Variants in SLC9B1 observed in about 807,000 individuals in gnomAD.
SLC9B1 encodes sodium/hydrogen exchanger 9B1.
In SLC9B1, 32 loss-of-function variants were observed where a neutral mutation model predicts 51.7. The observed-to-expected ratio is 0.62, with a 90% confidence interval of 0.47 to 0.83. The LOEUF (loss-of-function observed/expected upper bound fraction) is 0.83, where lower values mean the gene tolerates loss of function less well. SLC9B1 is among the 40% of genes least tolerant of loss of function. SLC9B1 has a pLI of 0.00. For synonymous variants in SLC9B1, 145 were observed against 212.7 expected (o/e 0.68, Z 2.77); for missense variants, 406 against 613.2 (o/e 0.66, Z 3.57).
intron 1 of SLC9B1, among the ~76,000 whole-genome samples, chr4:103,007,826 A>C (rs958825701): frequency 6.6e-6 from 1 of 152,020 alleles, no homozygotes; most frequent in African/African-American, 2.4e-5. Flanking sequence ...TCCTGGGCTC[A>C]AGTGATCCTC....
intron 3 of SLC9B1, among the ~76,000 whole-genome samples, chr4:102,984,369 G>A (rs1034836753): frequency 6.6e-6 from 1 of 152,122 alleles, no homozygotes; most frequent in African/African-American, 2.4e-5. Context: ...GCCTGCCTCG[G>A]CCTAGCAGAG....
chr4:103,013,353 C>T (rs552303694), intron 1 of SLC9B1, among the ~76,000 whole-genome samples: 2 of 152,284 alleles, frequency 1.3e-5, no homozygotes, highest in East Asian at 1.9e-4. Flanking sequence ...TTTGAATTCT[C>T]ACATCATTTT....
intron 3 of SLC9B1, among the ~76,000 whole-genome samples, chr4:102,971,675 C>A (rs980651175): frequency 6.6e-6 from 1 of 152,044 alleles, no homozygotes; most frequent in Non-Finnish European, 1.5e-5. Flanking sequence ...ATAAAAAACC[C>A]TTCAAAAAAT....
intron 7 of SLC9B1, among the ~76,000 whole-genome samples, chr4:102,930,720 T>TA (rs1005407455): frequency 6.6e-6 from 1 of 151,982 alleles, no homozygotes; most frequent in African/African-American, 2.4e-5. Flanking sequence ...ATTTTTTAAT[T>TA]AAAAAAAATT....
intron 3 of SLC9B1, chr4:102,962,886 T>C (rs551482295): frequency 2.1e-6 from 1 of 470,236 alleles, no homozygotes; most frequent in African/African-American, 2.0e-5. Context: ...AAGTTCATAA[T>C]AGATGTTGGT....
intron 3 of SLC9B1, among the ~76,000 whole-genome samples, chr4:102,973,132 T>A (rs997676428): frequency 3.3e-5 from 5 of 152,042 alleles, no homozygotes; most frequent in Non-Finnish European, 5.9e-5. Flanking sequence ...ACAATAAACT[T>A]AAATGGTCTA....
Position 102,946,764 on chromosome 4 carries a change from A to G in SLC9B1, c.408T>C (p.Ile136=), listed in dbSNP as rs1213201034. ...GTTCATTGATGAATGGAACATTCCT[A>G]ATCGTAAAACCAGCCAGTAACATCC... ...LLGMLLAGFT[I]RNVPFINEHV... The change falls in exon 5 of 12, where the codon ATT becomes ATC. Residue 136 remains isoleucine, a synonymous_variant. Coordinates refer to ENST00000296422, the MANE Select transcript of SLC9B1 (RefSeq NM_139173.4). The G allele has an allele frequency of 1.2e-6, 2 of 1,601,252 alleles. No homozygotes were observed. Among genetic ancestry groups the G allele is most frequent in the Non-Finnish European group, 1.7e-6 (2 of 1,176,624 alleles).
intron 1 of SLC9B1, among the ~76,000 whole-genome samples, chr4:103,007,095 A>G (rs1395261290): frequency 6.6e-6 from 1 of 152,184 alleles, no homozygotes; most frequent in Non-Finnish European, 1.5e-5. Context: ...CAACACTCCT[A>G]TTCAACATAA....
intron 3 of SLC9B1, among the ~76,000 whole-genome samples, chr4:102,961,111 T>A (rs933473995): frequency 6.6e-6 from 1 of 152,214 alleles, no homozygotes; most frequent in African/African-American, 2.4e-5. Flanking sequence ...ATATGCTGTT[T>A]TGAATTTTAT....
intron 7 of SLC9B1, among the ~76,000 whole-genome samples, chr4:102,928,616 T>C (rs746963677): frequency 6.6e-6 from 1 of 152,212 alleles, no homozygotes; most frequent in Non-Finnish European, 1.5e-5. Flanking sequence ...TCAAAATCTG[T>C]ATTAGTCATG....
At chr4:103,006,370 A>G (rs185628366) in intron 1 of SLC9B1, among the ~76,000 whole-genome samples, 12 of 152,256 alleles carry the variant, frequency 7.9e-5, no homozygotes, top group Admixed American at 6.5e-4. Context: ...GAACACCTCT[A>G]TGCAAACAAA....
chr4:102,962,156 A>C (rs1738170621), intron 3 of SLC9B1: 2 of 474,390 alleles, frequency 4.2e-6, no homozygotes, highest in African/African-American at 4.0e-5. Flanking sequence ...TGCAGGCAAC[A>C]CTGAGCCATA....
chr4:102,976,141 G>A (rs1384287311), intron 3 of SLC9B1, among the ~76,000 whole-genome samples: 2 of 152,128 alleles, frequency 1.3e-5, no homozygotes. Flanking sequence ...GTCAAAAGCT[G>A]GAAAGATCTT....
At chr4:102,885,850 A>T (rs144048650) in intron 11 of SLC9B1, among the ~76,000 whole-genome samples, 16 of 152,342 alleles carry the variant, frequency 1.1e-4, no homozygotes, top group African/African-American at 3.8e-4. Context: ...ATACATCCAC[A>T]TTACATATCT....
intron 11 of SLC9B1, chr4:102,890,732 C>T (rs1257633173): frequency 1.3e-5 from 2 of 149,644 alleles, no homozygotes; most frequent in Non-Finnish European, 3.0e-5. Context: ...CCCAGTTACT[C>T]GGGAGGCTGA....
intron 7 of SLC9B1, among the ~76,000 whole-genome samples, chr4:102,916,454 A>T (rs888310604): frequency 1.3e-5 from 2 of 152,220 alleles, no homozygotes; most frequent in African/African-American, 4.8e-5. Context: ...GACAGAATTG[A>T]GGGGTAACAT....
intron 2 of SLC9B1, among the ~76,000 whole-genome samples, chr4:102,990,839 G>C (rs1287915348): frequency 6.6e-6 from 1 of 152,082 alleles, no homozygotes; most frequent in Non-Finnish European, 1.5e-5. Flanking sequence ...CAAGGCAGCT[G>C]ATGGTTAAAA....
At chr4:102,893,281 C>CAAAAAAAAAAAAAAAAAAAAAAAAAA (rs58316456) in intron 11 of SLC9B1, among the ~76,000 whole-genome samples, 1 of 35,166 alleles carries the variant, frequency 2.8e-5, no homozygotes, top group African/African-American at 1.2e-4. Flanking sequence ...GACTCCATCT[C>CAAAAAAAAAAAAAAAAAAAAAAAAAA]AAAAAAAAAA....
intron 1 of SLC9B1, among the ~76,000 whole-genome samples, chr4:103,005,832 G>GT (rs2110534981): frequency 6.6e-6 from 1 of 152,186 alleles, no homozygotes; most frequent in South Asian, 2.1e-4. Flanking sequence ...TAAGCAACCT[G>GT]TTTCCTGAAT....
Sources: gnomAD v4.1 joint callset for allele counts (sites outside exome capture counted in the v4.1 genomes callset) on GRCh38, gnomAD v4.1.1 for gene constraint, MANE v1.5 for transcripts, NCBI Gene and HGNC (gene_info 2026-07-23, HGNC 2026-07-21) for gene names.